CALCR: variants seen among roughly 807,000 people sequenced by gnomAD.
CALCR encodes the protein calcitonin receptor.
A neutral mutation model predicts 59.5 loss-of-function variants in CALCR; 47 were observed. That is an observed-to-expected ratio of 0.79 (90% confidence interval 0.63 to 1.01). The LOEUF (loss-of-function observed/expected upper bound fraction) is 1.01. Ranked by LOEUF, CALCR falls within the 50% of genes least tolerant of loss-of-function variation. The pLI is 0.00. For missense variants in CALCR, 566 were observed against 597.1 expected (o/e 0.95, Z 0.54); for synonymous variants, 213 against 211.3 (o/e 1.01, Z -0.07).
At chr7:93,464,071 A>C (rs983382937) in intron 7 of CALCR, among the ~76,000 whole-genome samples, 2 of 152,018 alleles carry the variant, frequency 1.3e-5, no homozygotes, top group African/African-American at 4.8e-5. Flanking sequence ...TTTAAGGCTA[A>C]AGCAAAAAGT....
intron 2 of CALCR, among the ~76,000 whole-genome samples, chr7:93,512,472 CTT>C (rs1401949209): frequency 6.6e-6 from 1 of 151,990 alleles, no homozygotes; most frequent in Non-Finnish European, 1.5e-5. Context: ...GCTTTCTTTT[CTT>C]TTATGGCATC....
chr7:93,426,910 T>C (rs1273355385), intron 13 of CALCR, among the ~76,000 whole-genome samples: 14 of 152,206 alleles, frequency 9.2e-5, no homozygotes. Context: ...CATGTCATAA[T>C]AGGGAGAAAG....
At chr7:93,442,959 G>C (rs1042532988) in intron 9 of CALCR, among the ~76,000 whole-genome samples, 1 of 152,102 alleles carries the variant, frequency 6.6e-6, no homozygotes, top group Admixed American at 6.6e-5. Flanking sequence ...GGGGGAAAGG[G>C]AGCAATTCTA....
rs115722330 is a variant in CALCR at position 93,538,993 on chromosome 7, C to T, written c.-27+35296G>A. On this transcript the variant is annotated intron_variant, in intron 2 of 13. Transcript: ENST00000426151. ...AAGAGTCTCAGATGAAGAAATTCCA[C>T]TCTATTCTTCTTCCAGATTTTGTAT... Among the ~76,000 whole-genome samples the T allele has an allele frequency of 3.7e-3, 561 of 152,192 alleles. 5 individuals are homozygous for T. Among genetic ancestry groups the T allele is most frequent in the African/African-American group, 0.012 (511 of 41,540 alleles).
intron 8 of CALCR, among the ~76,000 whole-genome samples, chr7:93,460,570 A>ATATATAT (rs35957592): frequency 9.3e-4 from 68 of 73,092 alleles, no homozygotes; most frequent in African/African-American, 3.9e-3. Flanking sequence ...AAAAAAAAAA[A>ATATATAT]AAATATATAT....
intron 2 of CALCR, among the ~76,000 whole-genome samples, chr7:93,531,358 C>T (rs1788830535): frequency 1.3e-5 from 2 of 151,880 alleles, no homozygotes; most frequent in Non-Finnish European, 2.9e-5. Context: ...CTTTGCATAC[C>T]AGCAGGGATT....
intron 6 of CALCR, 105 bp downstream of exon 6, chr7:93,472,270 A>G: frequency 1.5e-6 from 1 of 671,684 alleles, no homozygotes; most frequent in Non-Finnish European, 2.6e-6. Context: ...TCTTTCCACA[A>G]AACCTGTTGG....
At chr7:93,429,934 GTTTTTTTGT>G (rs1799619806) in intron 13 of CALCR, among the ~76,000 whole-genome samples, 1 of 93,204 alleles carries the variant, frequency 1.1e-5, no homozygotes, top group Admixed American at 1.4e-4. Flanking sequence ...TTGTTTGTTT[GTTTTTTTGT>G]TTTTTTTTGA....
Position 93,543,921 on chromosome 7 carries a change from T to C in CALCR, c.-27+30368A>G, listed in dbSNP as rs550170422. ...ACAATTAGTACTTAGGGTATATTTG[T>C]ATGTGATAATAATTGCTACAGTACT... On this transcript the variant is annotated intron_variant, in intron 2 of 13. Transcript: ENST00000426151. 1.1e-4 allele frequency among the ~76,000 whole-genome samples: 17 copies of C among 152,264 alleles called. 1 individual carries two copies. In the South Asian group the frequency reaches 2.3e-3, roughly 20 times the overall value.
At chr7:93,571,733 G>T (rs1267697396) in intron 2 of CALCR, among the ~76,000 whole-genome samples, 1 of 152,094 alleles carries the variant, frequency 6.6e-6, no homozygotes, top group African/African-American at 2.4e-5. Flanking sequence ...CTTGGTTCGT[G>T]GCTTTGAGCG....
At chr7:93,536,666 G>A (rs893222853) in intron 2 of CALCR, among the ~76,000 whole-genome samples, 1 of 151,660 alleles carries the variant, frequency 6.6e-6, no homozygotes, top group Non-Finnish European at 1.5e-5. Context: ...TTTAGCATTA[G>A]GTATATCTCC....
chr7:93,505,162 GAA>G (rs112032323), intron 2 of CALCR, among the ~76,000 whole-genome samples: 8 of 147,448 alleles, frequency 5.4e-5, no homozygotes, highest in African/African-American at 2.0e-4. Flanking sequence ...TAGCTAAGTG[GAA>G]AAAAAAAAGC....
chr7:93,478,848 G>A (rs1800728938), intron 4 of CALCR, among the ~76,000 whole-genome samples: 2 of 151,744 alleles, frequency 1.3e-5, no homozygotes, highest in African/African-American at 4.8e-5. Context: ...AGAGAAGCTG[G>A]TAGATAAACA....
In CALCR at chr7:93,472,418, G is replaced by T. The variant is rs138829125; in HGVS notation, c.386C>A (p.Ser129Tyr). Residue 129 changes from serine to tyrosine, a missense_variant, in exon 6 of 14, where the codon TCC (serine) becomes TAC (tyrosine). Ser to Tyr is a moderately radical substitution (Grantham distance 144, BLOSUM62 -2). Transcript: ENST00000426151. ...GAAAGCATTGCACATAGTATAGTTG[G>T]ACCAGGTTCGATTGTTTTCAGGATG... is the stretch of plus-strand genomic sequence containing the variant. ...FKHPENNRTWSNYTMCNAFTP... is the reference protein window; with the variant it reads ...FKHPENNRTWYNYTMCNAFTP... The T allele has an allele frequency of 1.9e-4, 298 of 1,610,230 alleles. No individual in the cohort carries two copies. Among genetic ancestry groups the T allele is most frequent in the Non-Finnish European group, 2.4e-4 (286 of 1,177,500 alleles).
intron 8 of CALCR, among the ~76,000 whole-genome samples, chr7:93,454,272 C>T (rs1264707491): frequency 2.6e-5 from 4 of 151,862 alleles, no homozygotes; most frequent in Non-Finnish European, 5.9e-5. Flanking sequence ...TAAGAAGAAG[C>T]TCCTACACAG....
intron 2 of CALCR, among the ~76,000 whole-genome samples, chr7:93,490,279 C>G (rs1801044889): frequency 6.6e-6 from 1 of 151,764 alleles, no homozygotes. Flanking sequence ...CTATTTATGA[C>G]AAATCCACAG....
At chr7:93,448,695 T>C (rs73712890) in intron 8 of CALCR, among the ~76,000 whole-genome samples, 3,098 of 152,110 alleles carry the variant, frequency 0.02, 119 homozygotes, top group African/African-American at 0.071. Flanking sequence ...ATCAGACTAG[T>C]GGGGCTTATG....
rs115527704 is a variant in CALCR, at chr7:93,494,471, G to A, written c.-26-7464C>T. Among the ~76,000 whole-genome samples, 842 of 151,420 alleles carry A rather than the reference G, an allele frequency of 5.6e-3. 8 individuals are homozygous for A. The highest frequency in any genetic ancestry group is 0.019 in the African/African-American group (803 of 41,412). ...AAAACAGATCTGAGAGTGAATATTC[G>A]GAAACAACAGAGGGGATTTAGATAA... On this transcript the variant is annotated intron_variant, in intron 2 of 13. Transcript: ENST00000426151.
intron 3 of CALCR, among the ~76,000 whole-genome samples, chr7:93,483,426 TAG>T: frequency 7.5e-6 from 1 of 133,988 alleles, no homozygotes; most frequent in South Asian, 2.2e-4. Flanking sequence ...GATAGATAGA[TAG>T]ATAGATAGAT....
Sources: gnomAD v4.1 joint callset for allele counts (sites outside exome capture counted in the v4.1 genomes callset) on GRCh38, gnomAD v4.1.1 for gene constraint, MANE v1.5 for transcripts, NCBI Gene and HGNC (gene_info 2026-07-23, HGNC 2026-07-21) for gene names.